Variants in STX18 observed in about 807,000 individuals in gnomAD.
STX18 encodes syntaxin 18.
A neutral mutation model predicts 50.1 loss-of-function variants in STX18; 40 were observed. The observed-to-expected ratio is 0.80, with a 90% CI of 0.62 to 1.04. The LOEUF is 1.04. STX18 is among the 50% of genes least tolerant of loss of function. The pLI, the probability that STX18 is intolerant of heterozygous loss-of-function variation, is 0.00. For missense variants in STX18, 410 were observed against 415.8 expected, an observed-to-expected ratio of 0.99 and a Z score of 0.12; for synonymous variants, 158 against 151.8, an observed-to-expected ratio of 1.04 and a Z score of -0.30.
chr4:4,530,244 A>C (rs1731033422), intron 1 of STX18, among the ~76,000 whole-genome samples: 2 of 152,146 alleles, frequency 1.3e-5, no homozygotes, highest in Admixed American at 1.3e-4. Context: ...ACTCAGAAAA[A>C]GCCATGGTTA....
At chr4:4,530,134 T>C (rs1012265738) in intron 1 of STX18, among the ~76,000 whole-genome samples, 3 of 152,032 alleles carry the variant, frequency 2.0e-5, no homozygotes, top group African/African-American at 4.8e-5. Context: ...CTGCCAGGAG[T>C]TTTACTTGTT....
intron 1 of STX18, chr4:4,507,182 T>C (rs1173475993): frequency 5.2e-6 from 3 of 582,038 alleles, no homozygotes; most frequent in Non-Finnish European, 6.6e-6. Flanking sequence ...ACACTCCCTC[T>C]TGATGCTCAG....
At chr4:4,507,815 TAA>T (rs879049430) in intron 1 of STX18, 20,119 of 215,494 alleles carry the variant, frequency 0.093, 4 homozygotes, top group Middle Eastern at 0.14. Context: ...ATATTCACAG[TAA>T]AAAAAAAAAA....
At chr4:4,503,785 G>A (rs930895743) in intron 1 of STX18, among the ~76,000 whole-genome samples, 5 of 152,118 alleles carry the variant, frequency 3.3e-5, no homozygotes, top group Non-Finnish European at 7.4e-5. Context: ...AGTTTTTTGA[G>A]AATGTTTTTT....
intron 1 of STX18, chr4:4,499,331 A>C (rs540598542): frequency 5.2e-6 from 1 of 190,608 alleles, no homozygotes; most frequent in African/African-American, 2.4e-5. Context: ...AAAATGTATG[A>C]AATTACAGTA....
chr4:4,531,490 C>T (rs1391292462), intron 1 of STX18, among the ~76,000 whole-genome samples: 3 of 152,144 alleles, frequency 2.0e-5, no homozygotes, highest in Non-Finnish European at 4.4e-5. Flanking sequence ...AATATAGGAT[C>T]GCCATTGATG....
chr4:4,472,434 T>C (rs977186848), intron 1 of STX18, among the ~76,000 whole-genome samples: 8 of 152,352 alleles, frequency 5.3e-5, no homozygotes, highest in African/African-American at 1.7e-4. Context: ...TACTAGCCAG[T>C]GGCCTGCTGG....
At chr4:4,463,435 G>A (rs559397961) in intron 2 of STX18, among the ~76,000 whole-genome samples, 2 of 152,274 alleles carry the variant, frequency 1.3e-5, no homozygotes, top group Non-Finnish European at 1.5e-5. Flanking sequence ...TTGGCCTGTG[G>A]CTGTTATTTG....
At chr4:4,496,093 C>A (rs1391975933) in intron 1 of STX18, among the ~76,000 whole-genome samples, 1 of 152,144 alleles carries the variant, frequency 6.6e-6, no homozygotes, top group Non-Finnish European at 1.5e-5. Context: ...TTTATAAATT[C>A]TTTACATTTC....
At chr4:4,513,244 G>A (rs1730088724) in intron 1 of STX18, among the ~76,000 whole-genome samples, 1 of 152,106 alleles carries the variant, frequency 6.6e-6, no homozygotes, top group Non-Finnish European at 1.5e-5. Flanking sequence ...ATAGAGGGGG[G>A]GACCCTCGTC....
intron 1 of STX18, chr4:4,507,118 CAAG>C (rs1193171264): frequency 3.6e-6 from 2 of 556,118 alleles, no homozygotes; most frequent in Non-Finnish European, 7.0e-6. Context: ...AGCCCAATGG[CAAG>C]AAGCCAGGTG....
intron 2 of STX18, among the ~76,000 whole-genome samples, chr4:4,462,954 CA>C (rs1317382605): frequency 6.6e-6 from 1 of 152,206 alleles, no homozygotes; most frequent in African/African-American, 2.4e-5. Flanking sequence ...AAACAGTGTG[CA>C]GGAGCCTCCT....
At chr4:4,477,274 T>G (rs1229994913) in intron 1 of STX18, among the ~76,000 whole-genome samples, 1 of 152,082 alleles carries the variant, frequency 6.6e-6, no homozygotes, top group East Asian at 1.9e-4. Flanking sequence ...AACAAACTCA[T>G]GTAGTACTTT....
intron 5 of STX18, among the ~76,000 whole-genome samples, chr4:4,450,687 A>C (rs1726700429): frequency 6.6e-6 from 1 of 152,066 alleles, no homozygotes; most frequent in African/African-American, 2.4e-5. Context: ...TCCAGCACGG[A>C]TCAGTCCCTC....
At chr4:4,502,949 C>G (rs1381930610) in intron 1 of STX18, among the ~76,000 whole-genome samples, 2 of 152,168 alleles carry the variant, frequency 1.3e-5, no homozygotes, top group Admixed American at 6.5e-5. Flanking sequence ...ATAAAAACCT[C>G]AAACAAAACA....
chr4:4,505,176 C>A (rs1729643195), intron 1 of STX18, among the ~76,000 whole-genome samples: 2 of 152,134 alleles, frequency 1.3e-5, no homozygotes, highest in Admixed American at 1.3e-4. Flanking sequence ...CCTTCACTTA[C>A]CGTGGGGTTA....
intron 7 of STX18, among the ~76,000 whole-genome samples, chr4:4,427,201 T>C (rs1687012918): frequency 6.6e-6 from 1 of 152,102 alleles, no homozygotes; most frequent in Admixed American, 6.5e-5. Flanking sequence ...CAAGGAGGCA[T>C]CTGCTGCACT....
chr4:4,507,694 C>G, intron 1 of STX18: 2 of 890,014 alleles, frequency 2.2e-6, no homozygotes, highest in Non-Finnish European at 3.8e-6. Flanking sequence ...AGCAGAACAA[C>G]GTGGAACACA....
At chr4:4,529,276 G>C (rs1730965224) in intron 1 of STX18, among the ~76,000 whole-genome samples, 1 of 152,192 alleles carries the variant, frequency 6.6e-6, no homozygotes, top group Non-Finnish European at 1.5e-5. Flanking sequence ...GCACGAGAAT[G>C]GAGTGAACCA....
Sources: gnomAD v4.1 joint callset for allele counts (sites outside exome capture counted in the v4.1 genomes callset) on GRCh38, gnomAD v4.1.1 for gene constraint, MANE v1.5 for transcripts, NCBI Gene and HGNC (gene_info 2026-07-23, HGNC 2026-07-21) for gene names.